The following HAVCR1 variants were observed in gnomAD, a reference collection of about 807,000 sequenced individuals.
The protein encoded by HAVCR1 is T cell immunoglobin domain and mucin domain protein 1.
Under a neutral mutation model 32.0 loss-of-function variants are expected in HAVCR1, and 34 were observed. The ratio of observed to expected loss-of-function variants is 1.06; its 90% CI spans 0.81 to 1.42. The LOEUF is 1.42. Ranked by LOEUF, HAVCR1 falls within the 40% of genes most tolerant of loss-of-function variation. HAVCR1 has a pLI of 0.00. For missense variants in HAVCR1, 420 were observed against 442.3 expected (o/e 0.95, Z 0.45); for synonymous variants, 178 against 170.3 (o/e 1.05, Z -0.35).
chr5:157,065,746 T>G, the HAVCR1 span, among the ~76,000 whole-genome samples: 1 of 151,844 alleles, frequency 6.6e-6, no homozygotes, highest in Admixed American at 6.6e-5. Flanking sequence ...TCCCAGCTAC[T>G]CAGGAGGCTG....
At chr5:157,066,055 T>TAAAAAAAAAAAAAAAAAAAAA in the HAVCR1 span, among the ~76,000 whole-genome samples, 22 of 66,914 alleles carry the variant, frequency 3.3e-4, no homozygotes, top group East Asian at 1.2e-3. Flanking sequence ...GACTCCGTCT[T>TAAAAAAAAAAAAAAAAAAAAA]AAAAAAAAAA....
In HAVCR1 at chr5:157,029,701, G is replaced by T; in HGVS notation, c.*32C>A. The T allele has an allele frequency of 1.9e-6, 3 of 1,612,172 alleles. No individual in the cohort carries two copies. The highest frequency in any genetic ancestry group is 2.5e-6 in the Non-Finnish European group (3 of 1,179,804). On this transcript the variant is annotated 3_prime_UTR_variant, in exon 9 of 9. Transcript: ENST00000523175. ...TGTCTGTTCAGTCTTCTGCACTCATGGGCGTAAACTCTCAAAGAGCACCAC... is the reference window on the plus strand; with the variant it reads ...TGTCTGTTCAGTCTTCTGCACTCATTGGCGTAAACTCTCAAAGAGCACCAC...
In HAVCR1 at chr5:157,057,913, T is replaced by TG; in HGVS notation, c.30dup (p.Ile11HisfsTer39). ...ACTCACTTACCTGCCAGATGTAGGATGAGGCTTAAGATGACCACTTGAGGA... is the reference window on the plus strand; with the variant it reads ...ACTCACTTACCTGCCAGATGTAGGATGGAGGCTTAAGATGACCACTTGAGGA... On this transcript the variant is annotated frameshift_variant, in exon 2 of 9. Coordinates refer to ENST00000523175, the MANE Select transcript of HAVCR1 (RefSeq NM_001173393.3). LOFTEE classifies it high-confidence loss of function. 6.2e-7 allele frequency: 1 copy of TG among 1,613,832 alleles called. No individual in the cohort carries two copies. The highest frequency in any genetic ancestry group is 8.5e-7 in the Non-Finnish European group (1 of 1,179,810).
At position 157,034,293 on chromosome 5, in the gene HAVCR1, G is replaced by A. The variant is rs560495581; in HGVS notation, c.953-1406C>T. On this transcript the variant is annotated intron_variant, in intron 7 of 8. Coordinates refer to ENST00000523175, the MANE Select transcript of HAVCR1 (RefSeq NM_001173393.3). ...GCAAAGGTCTCTGTGTCATAAATAA[G>A]TTTAAGGAAAGGTGCTGTGCCTCGA... Among the ~76,000 whole-genome samples the A allele has an allele frequency of 4.6e-5, 7 of 152,032 alleles. 1 individual carries two copies. Among genetic ancestry groups the A allele is most frequent in the East Asian group, 1.9e-4 (1 of 5,166 alleles).
At chr5:157,037,432 C>A in intron 6 of HAVCR1, 71 bp from the exon 7 acceptor site, 2 of 751,034 alleles carry the variant, frequency 2.7e-6, no homozygotes, top group South Asian at 1.6e-5. Context: ...TTCCCAGAAT[C>A]ACTTACCCAG....
intron 3 of HAVCR1, among the ~76,000 whole-genome samples, chr5:157,054,002 G>A (rs11134526): frequency 0.26 from 38,709 of 150,830 alleles, 5,314 homozygotes; most frequent in Middle Eastern, 0.36. Context: ...GCAACATAGC[G>A]AAACCATATC....
intron 8 of HAVCR1, 130 bp from the exon 9 acceptor site, chr5:157,029,971 A>G (rs1754076509): frequency 3.0e-6 from 2 of 658,986 alleles, no homozygotes; most frequent in Non-Finnish European, 5.2e-6. Context: ...CCGTTCACAC[A>G]AAGTATAAAA....
chr5:157,066,099 A>C, the HAVCR1 span, among the ~76,000 whole-genome samples: 1 of 150,708 alleles, frequency 6.6e-6, no homozygotes, highest in East Asian at 2.0e-4. Context: ...AGAGGCACCA[A>C]TACAGAAATG....
intron 4 of HAVCR1, among the ~76,000 whole-genome samples, chr5:157,051,700 T>C (rs906435905): frequency 1.3e-5 from 2 of 152,070 alleles, no homozygotes; most frequent in Non-Finnish European, 2.9e-5. Context: ...AGAGACAAGG[T>C]CTCTCACTAT....
the HAVCR1 span, among the ~76,000 whole-genome samples, chr5:157,068,102 A>G: frequency 6.6e-6 from 1 of 151,520 alleles, no homozygotes; most frequent in Non-Finnish European, 1.5e-5. Flanking sequence ...TGAAACCCCA[A>G]CTGTACTAAA....
the HAVCR1 span, among the ~76,000 whole-genome samples, chr5:157,067,235 C>G: frequency 6.6e-6 from 1 of 152,280 alleles, no homozygotes; most frequent in East Asian, 1.9e-4. Flanking sequence ...TCTTAATCTT[C>G]CCATGTATTT....
chr5:157,043,624 C>T (rs1048547075), intron 5 of HAVCR1, among the ~76,000 whole-genome samples: 2 of 152,292 alleles, frequency 1.3e-5, no homozygotes, highest in Admixed American at 1.3e-4. Context: ...GCTGTGATGG[C>T]ACCACTGCAC....
upstream of HAVCR1, among the ~76,000 whole-genome samples, chr5:157,059,455 A>C (rs1013079881): frequency 1.3e-5 from 2 of 151,944 alleles, no homozygotes; most frequent in Admixed American, 6.6e-5. Context: ...TAGGCCAGTC[A>C]CCTGAGGTCG....
chr5:157,067,126 A>G, the HAVCR1 span, among the ~76,000 whole-genome samples: 1 of 152,212 alleles, frequency 6.6e-6, no homozygotes, highest in Non-Finnish European at 1.5e-5. Flanking sequence ...GGCAGCACTC[A>G]GGTATCACTG....
At chr5:157,063,770 G>A (rs1425092971), upstream of HAVCR1, among the ~76,000 whole-genome samples, 1 of 152,206 alleles carries the variant, frequency 6.6e-6, no homozygotes, top group Admixed American at 6.5e-5. Flanking sequence ...TTTTAAACAA[G>A]GTGGTCAGGT....
rs1374357235 is a variant in HAVCR1 at position 157,044,649 on chromosome 5, G to GAA, written c.782-1969_782-1968dup. Among the ~76,000 whole-genome samples the GAA allele has an allele frequency of 3.8e-3, 450 of 117,526 alleles. 12 individuals carry two copies. The highest frequency in any genetic ancestry group is 0.017 in the South Asian group (48 of 2,888). The allele number at this position is 117,526 out of a possible 152,430, so 77.1% of individuals were successfully genotyped here. On this transcript the variant is annotated intron_variant, in intron 5 of 8. Coordinates refer to ENST00000523175, the MANE Select transcript of HAVCR1 (RefSeq NM_001173393.3). ...AGAAAGAAAGAAAGAAAGAAAGAAA[G>GAA]AAAGAAAGAAAGAAAGAAAGAAAGA...
the HAVCR1 span, among the ~76,000 whole-genome samples, chr5:157,065,594 C>T: frequency 6.6e-6 from 1 of 152,204 alleles, no homozygotes; most frequent in Non-Finnish European, 1.5e-5. Flanking sequence ...GCGACTCACA[C>T]CTGCAGTCTT....
chr5:157,044,676 A>AGGAG lies in HAVCR1; in HGVS notation c.782-1998_782-1995dup, dbSNP rs57641175. ...AAGAAAGAAAGAAAGAAAGAAAGAA[A>AGGAG]GGAGGGAGGGAGGAAGGAAGGAAGG... On this transcript the variant is annotated intron_variant, in intron 5 of 8. Transcript: ENST00000523175. Among the ~76,000 whole-genome samples the AGGAG allele has an allele frequency of 9.8e-3, 1,074 of 109,334 alleles. 53 individuals carry two copies. Among genetic ancestry groups the AGGAG allele is most frequent in the African/African-American group, 0.03 (953 of 31,712 alleles). The allele number at this position is 109,334 out of a possible 152,430, so 71.7% of individuals were successfully genotyped here.
At chr5:157,057,663 A>C (rs1199779256) in intron 2 of HAVCR1, among the ~76,000 whole-genome samples, 1 of 152,228 alleles carries the variant, frequency 6.6e-6, no homozygotes. Flanking sequence ...ACTGTGCTGC[A>C]TCTTGCCTTG....
Sources: gnomAD v4.1 joint callset for allele counts (sites outside exome capture counted in the v4.1 genomes callset) on GRCh38, gnomAD v4.1.1 for gene constraint, MANE v1.5 for transcripts, NCBI Gene and HGNC (gene_info 2026-07-23, HGNC 2026-07-21) for gene names.